Variants in GMDS observed in about 807,000 individuals in gnomAD.
GMDS encodes the protein GDP-mannose 4,6 dehydratase.
A neutral mutation model predicts 49.9 loss-of-function variants in GMDS; 20 were observed. That is an observed-to-expected ratio of 0.40 (90% confidence interval 0.28 to 0.58). The LOEUF is 0.58. GMDS is among the 20% of genes least tolerant of loss of function. The probability of loss-of-function intolerance (pLI) is 0.42; values close to 1 mark genes in which losing one functional copy is unlikely to be tolerated. For synonymous variants in GMDS, 177 were observed against 178.6 expected (o/e 0.99, Z 0.07); for missense variants, 362 against 481.4 (o/e 0.75, Z 2.32).
rs554578019 is a variant in GMDS at position 2,243,125 on chromosome 6, T to C, written c.102+2196A>G. ...GATGCCGGAGGGAAGAAAGAAACAC[T>C]GGGGCAGAGATTCAACCCAACCTGA... On this transcript the variant is annotated intron_variant, in intron 1 of 10. Transcript: ENST00000380815. Among the ~76,000 whole-genome samples, 197 of 152,276 alleles carry C rather than the reference T, an allele frequency of 1.3e-3. 1 individual carries two copies. Among genetic ancestry groups the C allele is most frequent in the African/African-American group, 4.5e-3 (186 of 41,548 alleles).
intron 4 of GMDS, among the ~76,000 whole-genome samples, chr6:1,975,073 T>C (rs777754063): frequency 2.6e-5 from 4 of 151,124 alleles, no homozygotes; most frequent in South Asian, 2.1e-4. Flanking sequence ...TAACCAATGG[T>C]CACACTGCAG....
intron 7 of GMDS, among the ~76,000 whole-genome samples, chr6:1,817,481 G>A (rs946432563): frequency 2.0e-5 from 3 of 152,144 alleles, no homozygotes; most frequent in South Asian, 4.1e-4. Context: ...GTTTTACTCC[G>A]AGGGTTTGAG....
chr6:1,731,903 G>A (rs2113456838), intron 8 of GMDS, among the ~76,000 whole-genome samples: 1 of 152,322 alleles, frequency 6.6e-6, no homozygotes, highest in Non-Finnish European at 1.5e-5. Flanking sequence ...GGGTTTGAGA[G>A]CCTAGAGAGG....
intron 9 of GMDS, among the ~76,000 whole-genome samples, chr6:1,711,282 G>C (rs1382687343): frequency 6.6e-6 from 1 of 152,226 alleles, no homozygotes; most frequent in African/African-American, 2.4e-5. Flanking sequence ...TCCCTGCAGA[G>C]TCCTACGTTT....
intron 1 of GMDS, among the ~76,000 whole-genome samples, chr6:2,159,418 T>C (rs987880654): frequency 1.7e-4 from 26 of 152,190 alleles, no homozygotes; most frequent in African/African-American, 6.3e-4. Flanking sequence ...TTGTGTATAT[T>C]TTATGAGAGT....
intron 4 of GMDS, among the ~76,000 whole-genome samples, chr6:1,961,712 C>G (rs1763954978): frequency 6.6e-6 from 1 of 152,156 alleles, no homozygotes; most frequent in African/African-American, 2.4e-5. Context: ...AAATCTTTGT[C>G]ACTGGTTTAT....
chr6:1,624,469 C>A lies in GMDS; in HGVS notation c.1056+3G>T. The A allele has an allele frequency of 6.2e-7, 1 of 1,612,548 alleles. No individual in the cohort carries two copies. The highest frequency in any genetic ancestry group is 8.5e-7 in the Non-Finnish European group (1 of 1,178,646). On this transcript the variant is annotated splice_donor_region_variant and intron_variant, in intron 10 of 10. Transcript: ENST00000380815. Reference sequence around the variant, plus strand: ...GGCGGCGTGCGCCCTAAGAGATACTCACATCGAAAGCGACCCGGGGCTTCC... The same window carrying A: ...GGCGGCGTGCGCCCTAAGAGATACTAACATCGAAAGCGACCCGGGGCTTCC...
At chr6:2,209,343 T>G (rs234915) in intron 1 of GMDS, among the ~76,000 whole-genome samples, 87,149 of 152,060 alleles carry the variant, frequency 0.57, 27,309 homozygotes, top group East Asian at 0.82. Context: ...GAACACAATG[T>G]ACTCTGCAGA....
At chr6:2,062,928 G>A (rs1771277362) in intron 4 of GMDS, among the ~76,000 whole-genome samples, 1 of 152,174 alleles carries the variant, frequency 6.6e-6, no homozygotes, top group African/African-American at 2.4e-5. Context: ...GTAAGGGTTG[G>A]CAATATCATA....
chr6:2,068,036 A>G (rs200531222), intron 4 of GMDS, among the ~76,000 whole-genome samples: 30,014 of 147,592 alleles, frequency 0.2, 3,210 homozygotes, highest in South Asian at 0.27. Flanking sequence ...GGCAAAACGA[A>G]TCCAGCAGCA....
intron 4 of GMDS, among the ~76,000 whole-genome samples, chr6:2,039,950 A>T (rs2127426406): frequency 6.6e-6 from 1 of 152,342 alleles, no homozygotes; most frequent in South Asian, 2.1e-4. Flanking sequence ...CTGGCAGTGC[A>T]GTAGGTTTGT....
At chr6:1,751,964 G>T (rs1169326758) in intron 7 of GMDS, among the ~76,000 whole-genome samples, 1 of 152,192 alleles carries the variant, frequency 6.6e-6, no homozygotes, top group Admixed American at 6.5e-5. Context: ...CCAAAAACCA[G>T]AATGCCTCTT....
intron 7 of GMDS, among the ~76,000 whole-genome samples, chr6:1,886,238 C>A (rs1167573679): frequency 3.3e-5 from 5 of 152,126 alleles, no homozygotes; most frequent in African/African-American, 4.8e-5. Context: ...ACTTTTAGGA[C>A]CTATCAAATC....
intron 1 of GMDS, among the ~76,000 whole-genome samples, chr6:2,132,945 T>A (rs1249526474): frequency 1.3e-5 from 2 of 151,916 alleles, no homozygotes; most frequent in East Asian, 3.9e-4. Flanking sequence ...AATAATAACT[T>A]CTTTGCAGTA....
chr6:2,231,465 G>T (rs1307597518), intron 1 of GMDS, among the ~76,000 whole-genome samples: 2 of 152,192 alleles, frequency 1.3e-5, no homozygotes, highest in Admixed American at 6.5e-5. Flanking sequence ...TCAGGGGGCT[G>T]AGGTGGGAGG....
At chr6:2,010,400 TA>T (rs893231881) in intron 4 of GMDS, among the ~76,000 whole-genome samples, 5 of 147,542 alleles carry the variant, frequency 3.4e-5, no homozygotes, top group African/African-American at 1.0e-4. Flanking sequence ...AAGCTAGTGA[TA>T]TAGCAAAAAT....
intron 1 of GMDS, among the ~76,000 whole-genome samples, chr6:2,219,629 C>G (rs1006118631): frequency 3.9e-5 from 6 of 152,076 alleles, no homozygotes; most frequent in African/African-American, 1.4e-4. Flanking sequence ...TCTAAATTTA[C>G]TCTCATTTTC....
chr6:1,966,535 G>C (rs1303699424), intron 4 of GMDS, among the ~76,000 whole-genome samples: 1 of 152,146 alleles, frequency 6.6e-6, no homozygotes, highest in African/African-American at 2.4e-5. Context: ...AGGTCTACCA[G>C]GTCCCCTGCA....
chr6:1,977,456 A>G (rs1409910485), intron 4 of GMDS, among the ~76,000 whole-genome samples: 1 of 152,206 alleles, frequency 6.6e-6, no homozygotes, highest in Non-Finnish European at 1.5e-5. Context: ...TGTTCAATTC[A>G]AAATAGCCAG....
Sources: allele counts gnomAD v4.1 joint callset (sites outside exome capture counted in the v4.1 genomes callset), GRCh38; gene constraint gnomAD v4.1.1; transcripts MANE v1.5; gene names NCBI Gene and HGNC (gene_info 2026-07-23, HGNC 2026-07-21).